The following GNPTAB variants were observed in gnomAD, a reference collection of about 807,000 sequenced individuals.
GNPTAB encodes the protein N-acetylglucosamine-1-phosphotransferase subunits alpha/beta.
GNPTAB carries 92 observed loss-of-function variants against 136.6 expected under a neutral mutation model. The ratio of observed to expected loss-of-function variants is 0.67; its 90% CI spans 0.57 to 0.80. The LOEUF is 0.80. Among genes scored for constraint, GNPTAB ranks in the 30% least tolerant of loss-of-function variants. GNPTAB has a pLI of 0.00. For missense variants in GNPTAB, 1,343 were observed against 1,501.8 expected (o/e 0.89, Z 1.75); for synonymous variants, 512 against 535.1 (o/e 0.96, Z 0.60).
At chr12:101,789,722 G>GATCCTCCC (rs1311705389) in intron 3 of GNPTAB, among the ~76,000 whole-genome samples, 1 of 152,114 alleles carries the variant, frequency 6.6e-6, no homozygotes, top group Non-Finnish European at 1.5e-5. Context: ...GGCCTCAAGT[G>GATCCTCCC]ATCCTCCCAC....
intron 1 of GNPTAB, 24 bp downstream of exon 1, chr12:101,830,535 C>G (rs998512856): frequency 2.8e-6 from 4 of 1,449,320 alleles, no homozygotes; most frequent in Non-Finnish European, 3.9e-6. Context: ...GGCGCCCGGT[C>G]CAGGCTGCGG....
intron 1 of GNPTAB, among the ~76,000 whole-genome samples, chr12:101,812,312 C>A (rs1870280547): frequency 6.6e-6 from 1 of 152,068 alleles, no homozygotes; most frequent in South Asian, 2.1e-4. Context: ...ACGAGAAGAG[C>A]AAGGGGGAAG....
intron 9 of GNPTAB, 45 bp downstream of exon 9, chr12:101,770,361 C>A: frequency 1.4e-6 from 2 of 1,462,178 alleles, no homozygotes; most frequent in Non-Finnish European, 1.9e-6. Context: ...ACTAAAAGAG[C>A]AGAATTAGAA....
chr12:101,819,432 T>C (rs1056145213), intron 1 of GNPTAB, among the ~76,000 whole-genome samples: 1 of 152,116 alleles, frequency 6.6e-6, no homozygotes, highest in African/African-American at 2.4e-5. Context: ...GAACAACTTC[T>C]GAAAATTTGC....
Position 101,760,033 on chromosome 12 carries a change from G to C in GNPTAB, c.3246C>G (p.Asn1082Lys). 1 of 1,578,548 alleles carries C rather than the reference G, an allele frequency of 6.3e-7. No homozygotes were observed. Among genetic ancestry groups the C allele is most frequent in the Non-Finnish European group, 8.7e-7 (1 of 1,147,482 alleles). ...AAAAGTAACCCATTCCACTTACCAGGTTGGGATCATAGTAGGATTCCTGAG... is the reference window on the plus strand; with the variant it reads ...AAAAGTAACCCATTCCACTTACCAGCTTGGGATCATAGTAGGATTCCTGAG... ...PPTQESYYDPNLPPVTKSLVT... is the reference protein window; with the variant it reads ...PPTQESYYDPKLPPVTKSLVT... Residue 1082 changes from asparagine (N) to lysine (K), a missense_variant, in exon 16 of 21, where the codon AAC becomes AAG. Transcript: ENST00000299314.
chr12:101,814,159 T>C lies in GNPTAB; in HGVS notation c.117+16400A>G, dbSNP rs1236364886. Among the ~76,000 whole-genome samples, 6 of 151,508 alleles carry C rather than the reference T, an allele frequency of 4.0e-5. No homozygotes were observed. In the East Asian group the frequency reaches 9.7e-4, roughly 25 times the overall value. On this transcript the variant is annotated intron_variant, in intron 1 of 20. Transcript: ENST00000299314. ...ACAAAAACTACAAAAATTAGCCAGG[T>C]ATGGTGGCATGAGCCTGTAGTCCCA...
chr12:101,790,855 C>T (rs77417999), intron 2 of GNPTAB, among the ~76,000 whole-genome samples: 394 of 151,744 alleles, frequency 2.6e-3, no homozygotes, highest in African/African-American at 9.2e-3. Context: ...AAGCCTGCAC[C>T]CTCCCCAGCC....
At chr12:101,821,293 A>C (rs917910514) in intron 1 of GNPTAB, among the ~76,000 whole-genome samples, 2 of 152,234 alleles carry the variant, frequency 1.3e-5, no homozygotes, top group African/African-American at 4.8e-5. Flanking sequence ...TACAGTGCTC[A>C]AAAATTAAGT....
chr12:101,749,673 T>TA (rs754247597), intron 19 of GNPTAB, among the ~76,000 whole-genome samples: 4 of 152,102 alleles, frequency 2.6e-5, no homozygotes, highest in Non-Finnish European at 5.9e-5. Context: ...GTGAAAAACT[T>TA]AGAGAAATGA....
At chr12:101,811,161 A>T (rs941864326) in intron 1 of GNPTAB, among the ~76,000 whole-genome samples, 3 of 152,214 alleles carry the variant, frequency 2.0e-5, no homozygotes, top group African/African-American at 7.2e-5. Context: ...TCCAGAGAGC[A>T]AGTAATTGCC....
intron 1 of GNPTAB, among the ~76,000 whole-genome samples, chr12:101,803,146 G>C (rs1220550497): frequency 6.6e-6 from 1 of 152,154 alleles, no homozygotes; most frequent in East Asian, 1.9e-4. Context: ...CTTAGAAGCT[G>C]CCTCAGAATC....
intron 1 of GNPTAB, among the ~76,000 whole-genome samples, chr12:101,822,042 G>A (rs1870826134): frequency 1.3e-5 from 2 of 152,200 alleles, no homozygotes; most frequent in African/African-American, 4.8e-5. Context: ...GGTCTCATCA[G>A]GGGAAAAGCA....
At chr12:101,810,386 A>C in intron 1 of GNPTAB, 1 of 144,280 alleles carries the variant, frequency 6.9e-6, no homozygotes. Flanking sequence ...TATAAAGTCT[A>C]CTCCAATTTC....
At chr12:101,817,968 C>A (rs1326623241) in intron 1 of GNPTAB, among the ~76,000 whole-genome samples, 1 of 152,122 alleles carries the variant, frequency 6.6e-6, no homozygotes, top group East Asian at 1.9e-4. Context: ...CCTTAAAATC[C>A]TTTGATGGTC....
At chr12:101,815,369 T>C (rs1870464301) in intron 1 of GNPTAB, among the ~76,000 whole-genome samples, 1 of 152,198 alleles carries the variant, frequency 6.6e-6, no homozygotes, top group Non-Finnish European at 1.5e-5. Context: ...TGCTAGACTG[T>C]AAGTGATTTT....
At chr12:101,775,029 TG>T (rs1375704406) in intron 7 of GNPTAB, among the ~76,000 whole-genome samples, 2 of 152,230 alleles carry the variant, frequency 1.3e-5, no homozygotes, top group Non-Finnish European at 2.9e-5. Flanking sequence ...GACAGAGACC[TG>T]GGATGCTGCT....
At chr12:101,765,803 C>CTTTTTTT in intron 12 of GNPTAB, 9 of 411,114 alleles carry the variant, frequency 2.2e-5, no homozygotes, top group Non-Finnish European at 3.6e-5. Context: ...TATTGATATC[C>CTTTTTTT]TTTTTTGTTT....
chr12:101,828,803 T>C (rs974579097), intron 1 of GNPTAB, among the ~76,000 whole-genome samples: 1 of 152,178 alleles, frequency 6.6e-6, no homozygotes, highest in Non-Finnish European at 1.5e-5. Context: ...TCATCACCTA[T>C]AAAATGGTTA....
chr12:101,766,125 C>CA lies in GNPTAB; in HGVS notation c.1577dup (p.Leu526PhefsTer6). ...AGTCGCCAGCATCAAACCCACAGGA[C>CA]AAGACATTGCATGCTTGGTCACAGA... On this transcript the variant is annotated frameshift_variant, in exon 12 of 21. Coordinates refer to ENST00000299314, the MANE Select transcript of GNPTAB (RefSeq NM_024312.5). LOFTEE classifies it high-confidence loss of function. The CA allele has an allele frequency of 6.2e-7, 1 of 1,614,142 alleles. No homozygotes were observed. The highest frequency in any genetic ancestry group is 8.5e-7 in the Non-Finnish European group (1 of 1,180,006).
Sources: allele counts gnomAD v4.1 joint callset (sites outside exome capture counted in the v4.1 genomes callset), GRCh38; gene constraint gnomAD v4.1.1; transcripts MANE v1.5; gene names NCBI Gene and HGNC (gene_info 2026-07-23, HGNC 2026-07-21).